XKR9: variants seen among roughly 807,000 people sequenced by gnomAD.
XKR9 encodes the protein XK-related protein 9.
In XKR9, 32 loss-of-function variants were observed where a neutral mutation model predicts 32.0. That is an observed-to-expected ratio of 1.00 (90% CI 0.76 to 1.34). The LOEUF (loss-of-function observed/expected upper bound fraction) is 1.34. Among genes scored for constraint, XKR9 ranks in the 40% most tolerant of loss-of-function variants. XKR9 has a pLI of 0.00. For synonymous variants in XKR9, 168 were observed against 143.4 expected, an observed-to-expected ratio of 1.17 and a Z score of -1.22; for missense variants, 546 against 429.7, an observed-to-expected ratio of 1.27 and a Z score of -2.39.
At chr8:70,743,757 C>T (rs1421729081) in intron 2 of XKR9, among the ~76,000 whole-genome samples, 2 of 152,118 alleles carry the variant, frequency 1.3e-5, no homozygotes, top group African/African-American at 4.8e-5. Flanking sequence ...TCACCACATA[C>T]TCTGTTCTCT....
At chr8:70,994,945 C>T in the XKR9 span, among the ~76,000 whole-genome samples, 3 of 152,004 alleles carry the variant, frequency 2.0e-5, no homozygotes, top group African/African-American at 7.2e-5. Flanking sequence ...TATGGGGGAA[C>T]TAATGTAAAA....
At chr8:71,062,008 G>A in the XKR9 span, among the ~76,000 whole-genome samples, 3,238 of 152,242 alleles carry the variant, frequency 0.021, 91 homozygotes, top group East Asian at 0.12. Context: ...AATTATTTGT[G>A]TTCCTTTGGC....
chr8:70,706,464 T>C (rs1227194507), intron 3 of XKR9, among the ~76,000 whole-genome samples: 1 of 152,134 alleles, frequency 6.6e-6, no homozygotes, highest in Non-Finnish European at 1.5e-5. Context: ...GGAAATTATC[T>C]GTGTTGTAGT....
At chr8:70,908,836 A>G in the XKR9 span, among the ~76,000 whole-genome samples, 1 of 152,184 alleles carries the variant, frequency 6.6e-6, no homozygotes, top group East Asian at 1.9e-4. Context: ...ATTAAGTCAT[A>G]TTTAGTCCAT....
At chr8:71,001,934 T>C in the XKR9 span, among the ~76,000 whole-genome samples, 1 of 152,232 alleles carries the variant, frequency 6.6e-6, no homozygotes, top group Non-Finnish European at 1.5e-5. Context: ...CAGCAGTTTC[T>C]GAATTGCTGT....
chr8:70,816,098 C>A, the XKR9 span, among the ~76,000 whole-genome samples: 7 of 151,810 alleles, frequency 4.6e-5, no homozygotes, highest in African/African-American at 1.5e-4. Flanking sequence ...CCAGCCTGGG[C>A]GACAAGAGCA....
the XKR9 span, among the ~76,000 whole-genome samples, chr8:70,831,475 CT>C: frequency 0.061 from 9,289 of 152,146 alleles, 414 homozygotes; most frequent in Non-Finnish European, 0.089. Flanking sequence ...TCCTGTTGTA[CT>C]TTTTCCCTTT....
chr8:71,025,622 T>C, the XKR9 span, among the ~76,000 whole-genome samples: 4 of 152,214 alleles, frequency 2.6e-5, no homozygotes, highest in Non-Finnish European at 5.9e-5. Flanking sequence ...GTCACAAGCA[T>C]GTCCAAGGCT....
At chr8:70,729,704 A>C (rs755396848) in intron 4 of XKR9, among the ~76,000 whole-genome samples, 1 of 152,198 alleles carries the variant, frequency 6.6e-6, no homozygotes, top group Non-Finnish European at 1.5e-5. Context: ...ATAATTTAAC[A>C]TAATTATAAT....
chr8:71,035,394 A>T, the XKR9 span, among the ~76,000 whole-genome samples: 1 of 152,226 alleles, frequency 6.6e-6, no homozygotes, highest in Non-Finnish European at 1.5e-5. Flanking sequence ...AAGCTGTGTC[A>T]AATATTTCTG....
the XKR9 span, among the ~76,000 whole-genome samples, chr8:71,060,731 A>G: frequency 5.3e-5 from 8 of 152,180 alleles, no homozygotes; most frequent in Non-Finnish European, 8.8e-5. Flanking sequence ...GAGCCAATTG[A>G]TAAATTTATT....
At chr8:70,730,861 CTCT>C (rs1806641449) in intron 4 of XKR9, among the ~76,000 whole-genome samples, 1 of 152,208 alleles carries the variant, frequency 6.6e-6, no homozygotes, top group African/African-American at 2.4e-5. Context: ...CTTGCAGAGG[CTCT>C]TAACTGCTCA....
chr8:70,778,829 C>T (rs1285919028), intron 2 of XKR9, among the ~76,000 whole-genome samples: 3 of 152,156 alleles, frequency 2.0e-5, no homozygotes, highest in Non-Finnish European at 1.5e-5. Flanking sequence ...CGTTGCTTAT[C>T]AGCTTAAGGA....
At chr8:71,047,608 T>C in the XKR9 span, among the ~76,000 whole-genome samples, 1 of 152,202 alleles carries the variant, frequency 6.6e-6, no homozygotes, top group African/African-American at 2.4e-5. Flanking sequence ...ATATGCAATC[T>C]CTCTGTGTTC....
At chr8:70,884,880 G>A in the XKR9 span, among the ~76,000 whole-genome samples, 2 of 152,036 alleles carry the variant, frequency 1.3e-5, no homozygotes, top group Non-Finnish European at 2.9e-5. Flanking sequence ...CTTTCCATAT[G>A]AAATTTACAA....
At chr8:70,866,956 A>G in the XKR9 span, among the ~76,000 whole-genome samples, 2 of 152,178 alleles carry the variant, frequency 1.3e-5, no homozygotes, top group Non-Finnish European at 2.9e-5. Context: ...AGTATCATGG[A>G]GGTTAAATCA....
the XKR9 span, among the ~76,000 whole-genome samples, chr8:71,045,640 A>G: frequency 6.6e-6 from 1 of 152,212 alleles, no homozygotes; most frequent in Non-Finnish European, 1.5e-5. Context: ...GTGGTGTGCC[A>G]CGCGCAGTTC....
chr8:70,703,366 A>G (rs1805606244), intron 3 of XKR9, among the ~76,000 whole-genome samples: 1 of 152,122 alleles, frequency 6.6e-6, no homozygotes, highest in Non-Finnish European at 1.5e-5. Context: ...AACAAAATAC[A>G]GGTTTTAAAC....
Position 70,781,344 on chromosome 8 carries a change from G to A in XKR9, n.353-7995G>A, listed in dbSNP as rs1201833398. Among the ~76,000 whole-genome samples the A allele has an allele frequency of 3.3e-5, 5 of 151,928 alleles. No homozygotes were observed. The South Asian group carries it at 6.2e-4, about 19-fold the overall frequency. On this transcript the variant is annotated intron_variant and non_coding_transcript_variant, in intron 2 of 3. Transcript: ENST00000520273. The stretch of plus-strand genomic sequence containing the variant: ...TAGACCCTCATCAAATATATGATTT[G>A]CAATATTTTCTCTGATTTTGTGGGT...
Sources: gnomAD v4.1 joint callset for allele counts (sites outside exome capture counted in the v4.1 genomes callset) on GRCh38, gnomAD v4.1.1 for gene constraint, MANE v1.5 for transcripts, NCBI Gene and HGNC (gene_info 2026-07-23, HGNC 2026-07-21) for gene names.